CCDC149: variants seen among roughly 807,000 people sequenced by gnomAD.
CCDC149 encodes the protein coiled-coil domain containing 149.
A neutral mutation model predicts 59.9 loss-of-function variants in CCDC149; 45 were observed. That is an observed-to-expected ratio of 0.75 (90% confidence interval 0.59 to 0.96). The LOEUF is 0.96. Ranked by LOEUF, CCDC149 falls within the 40% of genes least tolerant of loss-of-function variation. The pLI, the probability that CCDC149 is intolerant of heterozygous loss-of-function variation, is 0.00. For synonymous variants in CCDC149, 245 were observed against 260.6 expected (o/e 0.94, Z 0.58); for missense variants, 584 against 664.7 (o/e 0.88, Z 1.33).
At chr4:24,828,412 C>T (rs907047271) in intron 9 of CCDC149, 1 of 151,988 alleles carries the variant, frequency 6.6e-6, no homozygotes, top group African/African-American at 2.4e-5. Context: ...ACGTTTCTTC[C>T]AGGAAGGGGA....
chr4:24,919,811 T>G (rs1174081399), intron 1 of CCDC149, among the ~76,000 whole-genome samples: 1 of 152,248 alleles, frequency 6.6e-6, no homozygotes, highest in African/African-American at 2.4e-5. Context: ...TGTGACTCTA[T>G]GAAATTAATT....
At position 24,908,685 on chromosome 4, in the gene CCDC149, G is replaced by A. The variant is rs113601363; in HGVS notation, c.63+4132C>T. ...ACTGTACTCCAGCATGGGCAACAGA[G>A]TGAGACCTCATCTCTAAAACAACAA... On this transcript the variant is annotated intron_variant, in intron 1 of 12. Transcript: ENST00000635206. Among the ~76,000 whole-genome samples, 1,163 of 152,348 alleles carry A rather than the reference G, an allele frequency of 7.6e-3. 17 individuals are homozygous for A. The highest frequency in any genetic ancestry group is 0.026 in the African/African-American group (1,061 of 41,572).
intron 1 of CCDC149, among the ~76,000 whole-genome samples, chr4:24,959,260 C>T (rs1723569006): frequency 6.6e-6 from 1 of 152,064 alleles, no homozygotes; most frequent in African/African-American, 2.4e-5. Flanking sequence ...AGGCGTGAGC[C>T]ACTGCGCCCG....
intron 1 of CCDC149, among the ~76,000 whole-genome samples, chr4:24,905,581 G>A (rs912466081): frequency 4.8e-5 from 6 of 124,254 alleles, no homozygotes; most frequent in South Asian, 2.6e-4. Context: ...GACTACAAGC[G>A]CGTGCCACCA....
In CCDC149 at chr4:24,837,284, G is replaced by A; in HGVS notation, c.606C>T (p.Ile202=). Residue 202 remains isoleucine, a synonymous_variant, in exon 6 of 13, where the codon ATC becomes ATT. Coordinates refer to ENST00000635206, the MANE Select transcript of CCDC149 (RefSeq NM_001330643.2). This position sits in a 1 kb window ranked among gnomAD's most constrained non-coding sequence, Gnocchi z 4.3. ...TGATGCGGTTCTCGTGCCCACTCAG[G>A]ATATGGTTCAGCTCCTGGTTGAGCC... The A allele has an allele frequency of 1.2e-6, 2 of 1,614,160 alleles. No homozygotes were observed. Among genetic ancestry groups the A allele is most frequent in the Non-Finnish European group, 1.7e-6 (2 of 1,180,024 alleles).
rs532211898 is a variant in CCDC149 at position 24,954,429 on chromosome 4, T to C, written c.-65+25640A>G. ...TCTGCCTCCGTGGTAGGTCTCTGCC[T>C]GGGCTCTGAGACTATCCAAGATATC... On this transcript the variant is annotated intron_variant, in intron 1 of 12. Transcript: ENST00000389609. 4.5e-4 allele frequency among the ~76,000 whole-genome samples: 69 copies of C among 152,346 alleles called. No individual in the cohort carries two copies. In the East Asian group the frequency reaches 0.012, roughly 26 times the overall value.
intron 12 of CCDC149, among the ~76,000 whole-genome samples, chr4:24,815,707 G>A (rs1714970066): frequency 6.6e-6 from 1 of 152,060 alleles, no homozygotes; most frequent in Non-Finnish European, 1.5e-5. Flanking sequence ...ATTACACAGG[G>A]GACTTTCAGT....
At chr4:24,943,143 A>C (rs1297185590) in intron 1 of CCDC149, among the ~76,000 whole-genome samples, 1 of 152,188 alleles carries the variant, frequency 6.6e-6, no homozygotes, top group Non-Finnish European at 1.5e-5. Flanking sequence ...CCTGACTTCA[A>C]ACTATACTAC....
intron 3 of CCDC149, among the ~76,000 whole-genome samples, chr4:24,862,530 C>T (rs1056017104): frequency 6.6e-6 from 1 of 152,298 alleles, no homozygotes; most frequent in Middle Eastern, 3.4e-3. Flanking sequence ...ACTGCCTATG[C>T]GCTGAATATA....
At chr4:24,947,670 G>T (rs1324839839) in intron 1 of CCDC149, among the ~76,000 whole-genome samples, 2 of 152,064 alleles carry the variant, frequency 1.3e-5, no homozygotes, top group African/African-American at 4.8e-5. Flanking sequence ...ACATTTCTCA[G>T]AATAGGAAAT....
At chr4:24,976,678 A>G (rs1724213042) in intron 1 of CCDC149, among the ~76,000 whole-genome samples, 1 of 152,142 alleles carries the variant, frequency 6.6e-6, no homozygotes, top group African/African-American at 2.4e-5. Flanking sequence ...GTGCCACTGC[A>G]CTCCAGCCAT....
At chr4:24,906,454 T>C (rs1408239903) in intron 1 of CCDC149, among the ~76,000 whole-genome samples, 1 of 126,638 alleles carries the variant, frequency 7.9e-6, no homozygotes, top group East Asian at 2.3e-4. Context: ...CAGGCAGGAG[T>C]GCAGTGGCAC....
chr4:24,919,091 A>AT (rs1722213123), intron 1 of CCDC149, among the ~76,000 whole-genome samples: 2 of 152,160 alleles, frequency 1.3e-5, no homozygotes, highest in South Asian at 4.1e-4. Context: ...CATATGACAC[A>AT]ATGGTTGCCA....
chr4:24,949,116 G>A (rs1257330227), intron 1 of CCDC149, among the ~76,000 whole-genome samples: 6 of 152,256 alleles, frequency 3.9e-5, no homozygotes, highest in East Asian at 1.9e-4. Flanking sequence ...GGGTAGCAAC[G>A]GCTGTTGTTA....
rs193242333 is a variant in CCDC149 at position 24,808,400 on chromosome 4, C to T, written c.1612G>A (p.Val538Met). Residue 538 changes from valine (V) to methionine (M), a missense_variant, in exon 13 of 13, where the codon GTG (valine) becomes ATG (methionine). Physicochemically the swap from Val to Met is conservative, Grantham distance 21 (BLOSUM62 1). Transcript: ENST00000635206. ...GATCCCTCTCCCCTTCAGGTTTTCA[C>T]GGTGCTCCTCATGCCTCCGCCCTCT... The T allele has an allele frequency of 9.8e-5, 142 of 1,449,754 alleles. No individual in the cohort carries two copies. In the East Asian group the frequency reaches 2.2e-3, roughly 22 times the overall value. The allele number at this position is 1,449,754 out of a possible 1,614,324, so 89.8% of individuals were successfully genotyped here.
intron 1 of CCDC149, among the ~76,000 whole-genome samples, chr4:24,972,589 G>A (rs993412916): frequency 2.6e-5 from 4 of 151,952 alleles, no homozygotes; most frequent in Non-Finnish European, 2.9e-5. Context: ...TTACAGACAC[G>A]AGCCACCACG....
chr4:24,868,198 T>C (rs960545933), intron 3 of CCDC149, among the ~76,000 whole-genome samples: 2 of 152,182 alleles, frequency 1.3e-5, no homozygotes, highest in African/African-American at 4.8e-5. Flanking sequence ...TCCCTTTCCA[T>C]ACTTGCCCAT....
chr4:24,888,186 G>A (rs1398831897), intron 1 of CCDC149, among the ~76,000 whole-genome samples: 1 of 152,124 alleles, frequency 6.6e-6, no homozygotes, highest in Non-Finnish European at 1.5e-5. Flanking sequence ...TGCATCTCCA[G>A]AGCCAGGCAC....
At chr4:24,825,181 GAGA>G (rs1375631379) in intron 9 of CCDC149, among the ~76,000 whole-genome samples, 2 of 152,210 alleles carry the variant, frequency 1.3e-5, no homozygotes, top group Admixed American at 1.3e-4. Flanking sequence ...GGATAATGAG[GAGA>G]AGGAGACCCT....
Sources: allele counts gnomAD v4.1 joint callset (sites outside exome capture counted in the v4.1 genomes callset), GRCh38; gene constraint gnomAD v4.1.1; non-coding constraint Gnocchi (gnomAD v3.1); transcripts MANE v1.5; gene names NCBI Gene and HGNC (gene_info 2026-07-23, HGNC 2026-07-21).